The following GPSM2 variants were observed in gnomAD, a reference collection of about 807,000 sequenced individuals.
The protein encoded by GPSM2 is G protein signaling modulator 2.
In GPSM2, 58 loss-of-function variants were observed where a neutral mutation model predicts 78.4. The observed-to-expected ratio is 0.74, with a 90% CI of 0.60 to 0.92. The LOEUF (loss-of-function observed/expected upper bound fraction) is 0.92. GPSM2 is among the 40% of genes least tolerant of loss of function. The pLI is 0.00. For synonymous variants in GPSM2, 224 were observed against 280.2 expected (o/e 0.80, Z 2.00); for missense variants, 700 against 815.5 (o/e 0.86, Z 1.73).
rs111928166 is a variant in GPSM2 at position 108,913,216 on chromosome 1, C to T, written c.1193-1122C>T. Among the ~76,000 whole-genome samples, 708 of 152,264 alleles carry T rather than the reference C, an allele frequency of 4.6e-3. 1 individual carries two copies. The highest frequency in any genetic ancestry group is 0.016 in the African/African-American group (662 of 41,562). ...TGCTCCCAGTTATATACTGCTGATA[C>T]CCACCAAACTAGAAGAAATGCTTGT... On this transcript the variant is annotated intron_variant, in intron 10 of 14. Transcript: ENST00000264126.
intron 10 of GPSM2, among the ~76,000 whole-genome samples, chr1:108,906,932 G>A (rs572609853): frequency 1.9e-4 from 29 of 152,282 alleles, no homozygotes; most frequent in South Asian, 6.2e-4. Context: ...GGGATTACAG[G>A]CATGAACCAT....
Position 108,914,615 on chromosome 1 carries a change from AT to A in GPSM2, c.1263+210del, listed in dbSNP as rs1180002464. 4.6e-5 allele frequency among the ~76,000 whole-genome samples: 7 copies of A among 152,198 alleles called. No homozygotes were observed. The East Asian group carries it at 1.3e-3, about 29-fold the overall frequency. On this transcript the variant is annotated intron_variant, in intron 11 of 14. Coordinates refer to ENST00000264126, the MANE Select transcript of GPSM2 (RefSeq NM_013296.5). ...CTGTTTAAGAAAAATACATGCATAT[AT>A]TTCCTTTGTAGATTCCTAAAACATT...
chr1:108,886,898 T>G (rs891121680), intron 2 of GPSM2, among the ~76,000 whole-genome samples: 2 of 151,732 alleles, frequency 1.3e-5, no homozygotes, highest in African/African-American at 2.4e-5. Flanking sequence ...TTTTGTTTTT[T>G]TTTTTTTGGA....
chr1:108,923,105 G>A (rs1650851981), intron 13 of GPSM2, among the ~76,000 whole-genome samples: 1 of 152,148 alleles, frequency 6.6e-6, no homozygotes, highest in Non-Finnish European at 1.5e-5. Flanking sequence ...CGTAGTCAGT[G>A]CAGCCTTGTC....
intron 10 of GPSM2, among the ~76,000 whole-genome samples, chr1:108,912,164 T>C (rs1396879952): frequency 3.9e-5 from 6 of 152,126 alleles, no homozygotes; most frequent in African/African-American, 1.4e-4. Context: ...TTAAGTGCAC[T>C]GCCAAACACA....
At chr1:108,894,258 CATAAAT>C (rs1648192413) in intron 2 of GPSM2, among the ~76,000 whole-genome samples, 2 of 152,214 alleles carry the variant, frequency 1.3e-5, no homozygotes, top group African/African-American at 4.8e-5. Context: ...TATAAAGAAA[CATAAAT>C]ATAGCTGTTT....
At chr1:108,879,209 G>A (rs1181590376) in intron 1 of GPSM2, among the ~76,000 whole-genome samples, 1 of 152,084 alleles carries the variant, frequency 6.6e-6, no homozygotes. Flanking sequence ...ACATAAATAT[G>A]AATAGAATCT....
At chr1:108,902,001 T>G in intron 8 of GPSM2, 56 bp downstream of exon 8, 1 of 1,228,934 alleles carries the variant, frequency 8.1e-7, no homozygotes, top group East Asian at 2.3e-5. Flanking sequence ...CATTATTGAA[T>G]CCCTAGAATT....
At chr1:108,905,806 A>C (rs1200315182) in intron 10 of GPSM2, among the ~76,000 whole-genome samples, 1 of 152,186 alleles carries the variant, frequency 6.6e-6, no homozygotes, top group Non-Finnish European at 1.5e-5. Context: ...ATCCAATGTA[A>C]AAGCCACTAG....
chr1:108,890,926 ATG>A (rs1557858052), intron 2 of GPSM2, among the ~76,000 whole-genome samples: 1 of 152,228 alleles, frequency 6.6e-6, no homozygotes, highest in East Asian at 1.9e-4. Flanking sequence ...TTAATTTTTT[ATG>A]TGTGATAATG....
intron 10 of GPSM2, among the ~76,000 whole-genome samples, chr1:108,906,808 G>A (rs1028114623): frequency 1.3e-5 from 2 of 152,142 alleles, no homozygotes; most frequent in Non-Finnish European, 2.9e-5. Context: ...AACCTGGGAG[G>A]AGGGTTTTGA....
Position 108,918,703 on chromosome 1 carries a change from G to A in GPSM2, c.1354G>A (p.Gly452Arg), listed in dbSNP as rs1650462589. The A allele has an allele frequency of 1.2e-6, 2 of 1,613,176 alleles. No homozygotes were observed. The highest frequency in any genetic ancestry group is 1.3e-5 in the African/African-American group (1 of 74,852). Reference protein sequence around the residue: ...AKLLFVNRLKGKKYKTNSSTK... With the variant: ...AKLLFVNRLKRKKYKTNSSTK... The stretch of plus-strand genomic sequence containing the variant: ...GCTACTCTTTGTCAACAGACTGAAG[G>A]GGAAAAAATACAAAACGAATTCCTC... The change falls in exon 12 of 15, where the codon GGG (glycine) becomes AGG (arginine). Residue 452 changes from glycine to arginine, a missense_variant. Transcript: ENST00000264126.
intron 2 of GPSM2, among the ~76,000 whole-genome samples, chr1:108,895,580 A>G (rs557443600): frequency 6.6e-6 from 1 of 152,190 alleles, no homozygotes; most frequent in African/African-American, 2.4e-5. Flanking sequence ...TGCAAACCCT[A>G]TTGTGAACTG....
At chr1:108,905,821 A>C (rs935562445) in intron 10 of GPSM2, among the ~76,000 whole-genome samples, 24 of 152,232 alleles carry the variant, frequency 1.6e-4, no homozygotes, top group Admixed American at 1.6e-3. Context: ...CACTAGCTAC[A>C]TGTGGCTGTT....
intron 4 of GPSM2, 44 bp from the exon 5 acceptor site, chr1:108,897,915 A>AC: frequency 6.3e-7 from 1 of 1,597,388 alleles, no homozygotes; most frequent in Non-Finnish European, 8.6e-7. Flanking sequence ...GATAAACCTG[A>AC]CCTCTGTTTT....
At chr1:108,916,078 CAAA>C (rs59651066) in intron 11 of GPSM2, among the ~76,000 whole-genome samples, 6 of 105,190 alleles carry the variant, frequency 5.7e-5, no homozygotes, top group African/African-American at 1.3e-4. Flanking sequence ...CCTGTCTATA[CAAA>C]AAAAAAAAAA....
intron 12 of GPSM2, among the ~76,000 whole-genome samples, chr1:108,920,994 GTC>G (rs1650663456): frequency 6.6e-6 from 1 of 152,024 alleles, no homozygotes; most frequent in Non-Finnish European, 1.5e-5. Flanking sequence ...CGTTAAAAAC[GTC>G]TCTCAGTCAC....
chr1:108,900,768 C>T (rs1648746788), intron 7 of GPSM2, among the ~76,000 whole-genome samples: 1 of 152,136 alleles, frequency 6.6e-6, no homozygotes. Flanking sequence ...TTTGAAAAGA[C>T]AGGCAACATT....
At chr1:108,898,328 G>A (rs1045277143) in intron 5 of GPSM2, among the ~76,000 whole-genome samples, 5 of 152,216 alleles carry the variant, frequency 3.3e-5, no homozygotes, top group African/African-American at 7.2e-5. Flanking sequence ...AGCAAGAAAT[G>A]TCAATGGTTG....
Sources: allele counts gnomAD v4.1 joint callset (sites outside exome capture counted in the v4.1 genomes callset), GRCh38; gene constraint gnomAD v4.1.1; transcripts MANE v1.5; gene names NCBI Gene and HGNC (gene_info 2026-07-23, HGNC 2026-07-21).